The following PDLIM5 variants were observed in gnomAD, a reference collection of about 807,000 sequenced individuals.
PDLIM5 encodes the protein PDZ and LIM domain 5, also known as PDZ and LIM domain protein 5.
PDLIM5 carries 34 observed loss-of-function variants against 64.2 expected under a neutral mutation model. That is an observed-to-expected ratio of 0.53 (90% CI 0.40 to 0.71). PDLIM5 has a LOEUF of 0.71. PDLIM5 is among the 30% of genes least tolerant of loss of function. The pLI, the probability that PDLIM5 is intolerant of heterozygous loss-of-function variation, is 0.00. For synonymous variants in PDLIM5, 253 were observed against 269.1 expected (o/e 0.94, Z 0.59); for missense variants, 683 against 733.6 (o/e 0.93, Z 0.80).
intron 7 of PDLIM5, among the ~76,000 whole-genome samples, chr4:94,604,647 A>G (rs1737768405): frequency 6.6e-6 from 1 of 151,882 alleles, no homozygotes; most frequent in South Asian, 2.1e-4. Flanking sequence ...AAAAAGAATT[A>G]AAGTAGTCAT....
At chr4:94,485,254 C>T (rs1726209314) in intron 2 of PDLIM5, among the ~76,000 whole-genome samples, 1 of 152,174 alleles carries the variant, frequency 6.6e-6, no homozygotes, top group South Asian at 2.1e-4. Flanking sequence ...TTGGCTCTTG[C>T]CAAATTCTTC....
intron 3 of PDLIM5, among the ~76,000 whole-genome samples, chr4:94,555,520 T>C (rs1733215701): frequency 6.6e-6 from 1 of 152,242 alleles, no homozygotes; most frequent in Non-Finnish European, 1.5e-5. Flanking sequence ...TCTAGTAGAA[T>C]TGAGTATTAG....
chr4:94,548,966 TA>T (rs1261228855), intron 3 of PDLIM5, among the ~76,000 whole-genome samples: 1 of 151,986 alleles, frequency 6.6e-6, no homozygotes, highest in African/African-American at 2.4e-5. Context: ...AAAAGCCATC[TA>T]AGGTGCTAAG....
chr4:94,523,935 G>GT (rs1360568406), intron 3 of PDLIM5, 60 bp downstream of exon 3: 1 of 1,292,436 alleles, frequency 7.7e-7, no homozygotes, highest in Non-Finnish European at 1.1e-6. Context: ...GTGTTTTTGT[G>GT]TGTCTGACTC....
At chr4:94,646,753 A>T (rs1055853082) in intron 9 of PDLIM5, among the ~76,000 whole-genome samples, 2 of 152,182 alleles carry the variant, frequency 1.3e-5, no homozygotes, top group Non-Finnish European at 2.9e-5. Context: ...GAAAACTTCT[A>T]TGCAAGTTAC....
At chr4:94,482,113 C>T (rs1043588388) in intron 2 of PDLIM5, among the ~76,000 whole-genome samples, 27 of 149,538 alleles carry the variant, frequency 1.8e-4, no homozygotes, top group African/African-American at 6.4e-4. Flanking sequence ...GATATTTTAC[C>T]TCCCTTTTTT....
chr4:94,494,432 G>GTTTTTTTTTTTTTTTTTTTT (rs61675663), intron 2 of PDLIM5, among the ~76,000 whole-genome samples: 12 of 70,770 alleles, frequency 1.7e-4, no homozygotes, highest in Non-Finnish European at 2.8e-4. Context: ...TTTTTTTCTT[G>GTTTTTTTTTTTTTTTTTTTT]TTTTTTTTTT....
At chr4:94,659,165 C>CCAGTTTCCTCTATCCAATAA (rs1742451027) in intron 11 of PDLIM5, among the ~76,000 whole-genome samples, 1 of 152,098 alleles carries the variant, frequency 6.6e-6, no homozygotes, top group Non-Finnish European at 1.5e-5. Context: ...ACCTCCAAAC[C>CCAGTTTCCTCTATCCAATAA]ATTTCTTAAC....
intron 2 of PDLIM5, among the ~76,000 whole-genome samples, chr4:94,523,296 TCAAA>T (rs2110133753): frequency 6.6e-6 from 1 of 152,322 alleles, no homozygotes; most frequent in South Asian, 2.1e-4. Context: ...CTCTTTGTGC[TCAAA>T]CAAAAATACA....
chr4:94,573,477 C>A, intron 4 of PDLIM5, 84 bp downstream of exon 4: 2 of 1,046,436 alleles, frequency 1.9e-6, no homozygotes, highest in Non-Finnish European at 1.5e-6. Flanking sequence ...TCAGACCATA[C>A]TGACATTCAT....
At chr4:94,557,927 GA>G (rs1733494138) in intron 3 of PDLIM5, among the ~76,000 whole-genome samples, 1 of 152,160 alleles carries the variant, frequency 6.6e-6, no homozygotes, top group South Asian at 2.1e-4. Context: ...GCCCTGGCCA[GA>G]ACTTCCAACA....
At chr4:94,622,997 C>T (rs554691126) in intron 8 of PDLIM5, among the ~76,000 whole-genome samples, 4 of 152,154 alleles carry the variant, frequency 2.6e-5, no homozygotes, top group African/African-American at 7.2e-5. Context: ...AAAATAAAGA[C>T]CTTAAAAGCT....
intron 11 of PDLIM5, among the ~76,000 whole-genome samples, chr4:94,660,935 TAGCC>T (rs1742653196): frequency 1.3e-5 from 2 of 151,454 alleles, no homozygotes. Flanking sequence ...ATAAAAAAAA[TAGCC>T]AGGTTTTGGT....
chr4:94,548,031 A>G (rs1578351511), intron 3 of PDLIM5, among the ~76,000 whole-genome samples: 1 of 152,164 alleles, frequency 6.6e-6, no homozygotes, highest in Admixed American at 6.5e-5. Flanking sequence ...GTCTCTCACC[A>G]TTATCGTAGT....
chr4:94,555,872 G>A (rs1364686071), intron 3 of PDLIM5, among the ~76,000 whole-genome samples: 1 of 150,806 alleles, frequency 6.6e-6, no homozygotes, highest in East Asian at 1.9e-4. Context: ...AATTAACTTG[G>A]GCAAGTTTAT....
chr4:94,591,315 A>C (rs1361199293), intron 7 of PDLIM5, among the ~76,000 whole-genome samples: 1 of 152,206 alleles, frequency 6.6e-6, no homozygotes, highest in Non-Finnish European at 1.5e-5. Context: ...AAGTAGTAAG[A>C]AGCAGCAAGT....
At chr4:94,531,945 A>AG in intron 3 of PDLIM5, among the ~76,000 whole-genome samples, 1 of 141,394 alleles carries the variant, frequency 7.1e-6, no homozygotes, top group African/African-American at 2.7e-5. Context: ...AAAGGGGGGG[A>AG]AAGCTTATAG....
chr4:94,542,548 A>G (rs1053945953), intron 3 of PDLIM5, among the ~76,000 whole-genome samples: 8 of 152,148 alleles, frequency 5.3e-5, no homozygotes, highest in African/African-American at 1.9e-4. Context: ...ATCTCTTCCT[A>G]ATCAGTAGAT....
chr4:94,466,773 T>A (rs1023669540), intron 2 of PDLIM5, among the ~76,000 whole-genome samples: 1 of 152,236 alleles, frequency 6.6e-6, no homozygotes, highest in Admixed American at 6.5e-5. Context: ...GCAGTTTTAA[T>A]AATATATGAT....
Sources: allele counts gnomAD v4.1 joint callset (sites outside exome capture counted in the v4.1 genomes callset), GRCh38; gene constraint gnomAD v4.1.1; transcripts MANE v1.5; gene names NCBI Gene and HGNC (gene_info 2026-07-23, HGNC 2026-07-21).